FSIP1: variants seen among roughly 807,000 people sequenced by gnomAD.
The protein encoded by FSIP1 is fibrous sheath-interacting protein 1.
In FSIP1, 65 loss-of-function variants were observed where a neutral mutation model predicts 60.9. The ratio of observed to expected loss-of-function variants is 1.07; its 90% CI spans 0.87 to 1.31. The LOEUF is 1.31. FSIP1 is among the 40% of genes most tolerant of loss of function. FSIP1 has a pLI of 0.00. For missense variants in FSIP1, 675 were observed against 665.5 expected (o/e 1.01, Z -0.16); for synonymous variants, 209 against 221.2 (o/e 0.94, Z 0.49).
In FSIP1 at chr15:39,770,617, A is replaced by G. The variant is rs1432507891; in HGVS notation, c.127-7T>C. The G allele has an allele frequency of 2.7e-6, 4 of 1,468,818 alleles. No individual in the cohort carries two copies. The highest frequency in any genetic ancestry group is 1.8e-6 in the Non-Finnish European group (2 of 1,105,694). The allele number at this position is 1,468,818 out of a possible 1,614,324, so 91.0% of individuals were successfully genotyped here. ...AGTTGCTTGCAGTATCGACCTAAAA[A>G]TAATTTCAAAAAAAAAACAGTTTCC... On this transcript the variant is annotated splice_polypyrimidine_tract_variant and splice_region_variant and intron_variant, in intron 2 of 11. Transcript: ENST00000350221.
chr15:39,642,283 A>G (rs1174340519), intron 10 of FSIP1, among the ~76,000 whole-genome samples: 1 of 152,190 alleles, frequency 6.6e-6, no homozygotes, highest in African/African-American at 2.4e-5. Context: ...TCTTAACGCA[A>G]GTTTCCCCTC....
At chr15:39,691,058 G>A (rs1048162982) in intron 10 of FSIP1, among the ~76,000 whole-genome samples, 5 of 152,150 alleles carry the variant, frequency 3.3e-5, no homozygotes, top group Non-Finnish European at 5.9e-5. Context: ...GAAGTTCCTT[G>A]GCCCCTATAC....
chr15:39,625,311 G>C (rs1356145397), intron 10 of FSIP1, among the ~76,000 whole-genome samples: 2 of 152,188 alleles, frequency 1.3e-5, no homozygotes, highest in East Asian at 3.8e-4. Flanking sequence ...ACCCCAGTGT[G>C]TAAGTTAGGG....
At chr15:39,739,076 C>T (rs561099554) in intron 7 of FSIP1, among the ~76,000 whole-genome samples, 1 of 152,188 alleles carries the variant, frequency 6.6e-6, no homozygotes, top group Non-Finnish European at 1.5e-5. Flanking sequence ...AACCCAGGAA[C>T]CCCTGCGCCC....
intron 10 of FSIP1, among the ~76,000 whole-genome samples, chr15:39,702,255 C>G (rs1050206832): frequency 6.7e-6 from 1 of 150,182 alleles, no homozygotes; most frequent in African/African-American, 2.5e-5. Flanking sequence ...TCCTGTGCTC[C>G]CTACACATGC....
chr15:39,629,176 T>C (rs1351163441), intron 10 of FSIP1, among the ~76,000 whole-genome samples: 1 of 152,086 alleles, frequency 6.6e-6, no homozygotes, highest in Non-Finnish European at 1.5e-5. Flanking sequence ...GAGTAAGCTG[T>C]CATGTGTACT....
rs908302493 is a variant in FSIP1, at chr15:39,699,180, C to A, written c.1188+14264G>T. Reference sequence around the variant, plus strand: ...TGGCCAGAACTAACTTATGTGGTCACCCTAGTTACAAGGGAGTCTGAGACA... The same window carrying A: ...TGGCCAGAACTAACTTATGTGGTCAACCTAGTTACAAGGGAGTCTGAGACA... On this transcript the variant is annotated intron_variant, in intron 10 of 11. Coordinates refer to ENST00000350221, the MANE Select transcript of FSIP1 (RefSeq NM_152597.5). 3.9e-5 allele frequency among the ~76,000 whole-genome samples: 6 copies of A among 152,306 alleles called. No individual in the cohort carries two copies. The East Asian group carries it at 1.2e-3, about 29-fold the overall frequency.
chr15:39,778,039 G>C (rs966588520), intron 1 of FSIP1, among the ~76,000 whole-genome samples: 2 of 152,184 alleles, frequency 1.3e-5, no homozygotes, highest in African/African-American at 4.8e-5. Context: ...CAGGAGGTCA[G>C]CTCTTCCCAT....
chr15:39,619,528 TATATATGGCAAGAAATAGG>T, intron 10 of FSIP1, among the ~76,000 whole-genome samples: 1 of 152,278 alleles, frequency 6.6e-6, no homozygotes, highest in African/African-American at 2.4e-5. Flanking sequence ...CTAAGGTTAA[TATATATGGCAAGAAATAGG>T]ATTAGAATTA....
chr15:39,722,203 T>C (rs1235155580), intron 9 of FSIP1, among the ~76,000 whole-genome samples: 1 of 151,928 alleles, frequency 6.6e-6, no homozygotes, highest in Non-Finnish European at 1.5e-5. Context: ...GCATATTCCT[T>C]ATGAGAATCT....
chr15:39,736,330 G>A (rs1896607800), intron 8 of FSIP1, among the ~76,000 whole-genome samples: 1 of 152,194 alleles, frequency 6.6e-6, no homozygotes, highest in Admixed American at 6.5e-5. Flanking sequence ...AGCCCCCGCT[G>A]GGACCTCACC....
intron 5 of FSIP1, among the ~76,000 whole-genome samples, chr15:39,754,137 C>CA (rs907462741): frequency 3.3e-5 from 5 of 152,144 alleles, no homozygotes. Flanking sequence ...TGAGGACATA[C>CA]ACGCATCCTA....
intron 5 of FSIP1, among the ~76,000 whole-genome samples, chr15:39,759,218 TG>T (rs1897405149): frequency 2.0e-5 from 3 of 151,966 alleles, no homozygotes; most frequent in African/African-American, 7.2e-5. Context: ...AAAATGCTTA[TG>T]GTGTTTGTGA....
At chr15:39,707,515 T>C (rs1041235747) in intron 10 of FSIP1, among the ~76,000 whole-genome samples, 1 of 152,094 alleles carries the variant, frequency 6.6e-6, no homozygotes, top group Non-Finnish European at 1.5e-5. Flanking sequence ...TTGGTTCTTC[T>C]CCAAGGCTTA....
chr15:39,766,592 C>T (rs542425366), intron 3 of FSIP1, among the ~76,000 whole-genome samples: 177 of 152,290 alleles, frequency 1.2e-3, no homozygotes, highest in Non-Finnish European at 1.9e-3. Context: ...TCAGGTTCCA[C>T]CCAAATCTGT....
chr15:39,771,281 G>A (rs1484525763), intron 2 of FSIP1, among the ~76,000 whole-genome samples: 2 of 152,172 alleles, frequency 1.3e-5, no homozygotes, highest in Admixed American at 6.5e-5. Flanking sequence ...CAGCCCAAGG[G>A]AGACAGGAAA....
chr15:39,725,863 C>A (rs565652605), intron 9 of FSIP1, among the ~76,000 whole-genome samples: 1 of 151,934 alleles, frequency 6.6e-6, no homozygotes, highest in South Asian at 2.1e-4. Flanking sequence ...CAGCTCACTG[C>A]AACCTCCACC....
At chr15:39,658,250 GATT>G (rs1302133754) in intron 10 of FSIP1, among the ~76,000 whole-genome samples, 6 of 122,412 alleles carry the variant, frequency 4.9e-5, no homozygotes, top group African/African-American at 1.5e-4. Context: ...AAGCAGACAT[GATT>G]TTTTTTTTTT....
rs377405920 is a variant in FSIP1, at chr15:39,774,290, C to A, written c.126+2109G>T. 2.6e-5 allele frequency among the ~76,000 whole-genome samples: 4 copies of A among 152,142 alleles called. No homozygotes were observed. The East Asian group carries it at 5.8e-4, about 22-fold the overall frequency. On this transcript the variant is annotated intron_variant, in intron 2 of 11. Coordinates refer to ENST00000350221, the MANE Select transcript of FSIP1 (RefSeq NM_152597.5). The stretch of plus-strand genomic sequence containing the variant: ...CTGAGGTCAGGAGTTCAAGACTAGC[C>A]TGGCCAATATGGTGAAACCCCATAT...
Sources: allele counts gnomAD v4.1 joint callset (sites outside exome capture counted in the v4.1 genomes callset), GRCh38; gene constraint gnomAD v4.1.1; transcripts MANE v1.5; gene names NCBI Gene and HGNC (gene_info 2026-07-23, HGNC 2026-07-21).